HDAC9: variants seen among roughly 807,000 people sequenced by gnomAD.
The protein encoded by HDAC9 is histone deacetylase 9.
HDAC9 carries 41 observed loss-of-function variants against 139.4 expected under a neutral mutation model. The ratio of observed to expected loss-of-function variants is 0.29; its 90% CI spans 0.23 to 0.38. HDAC9 has a LOEUF of 0.38. Ranked by LOEUF, HDAC9 falls within the 10% of genes least tolerant of loss-of-function variation. The pLI is 1.00. For missense variants in HDAC9, 1,147 were observed against 1,297.0 expected, an observed-to-expected ratio of 0.88 and a Z score of 1.78; for synonymous variants, 517 against 476.2, an observed-to-expected ratio of 1.09 and a Z score of -1.12.
chr7:18,985,253 TG>T lies in HDAC9; in HGVS notation c.3170+9301del, dbSNP rs201725933. On this transcript the variant is annotated intron_variant, in intron 25 of 25. Transcript: ENST00000686413. ...CCCCACAACAGACCCCAGAGTGCGA[TG>T]TTCCCCTTCCTGTGTCCATGTGTTC... Among the ~76,000 whole-genome samples, 851 of 151,898 alleles carry T rather than the reference TG, an allele frequency of 5.6e-3. 6 individuals carry two copies. The highest frequency in any genetic ancestry group is 0.02 in the African/African-American group (815 of 41,438).
intron 2 of HDAC9, among the ~76,000 whole-genome samples, chr7:18,264,618 G>T (rs1349348841): frequency 1.3e-5 from 2 of 152,154 alleles, no homozygotes; most frequent in East Asian, 1.9e-4. Flanking sequence ...ATGTAAGAGG[G>T]ACATTAAAAG....
At chr7:18,109,668 C>A (rs1312011537) in intron 1 of HDAC9, among the ~76,000 whole-genome samples, 1 of 151,908 alleles carries the variant, frequency 6.6e-6, no homozygotes, top group African/African-American at 2.4e-5. Flanking sequence ...TCTTTTCTCC[C>A]CTTAATGTAA....
In HDAC9 at chr7:18,448,549, G is replaced by T. The variant is rs34498099; in HGVS notation, c.-41-47713G>T. ...TATTAAATTGCATAGGGAAGAGAGG[G>T]TAACGTAACTATTTTATGGTAAATT... On this transcript the variant is annotated intron_variant, in intron 1 of 3. Transcript: ENST00000413509. 1.0e-2 allele frequency among the ~76,000 whole-genome samples: 1,515 copies of T among 152,144 alleles called. 12 individuals carry two copies. Among genetic ancestry groups the T allele is most frequent in the Non-Finnish European group, 0.017 (1,183 of 67,988 alleles).
chr7:18,856,317 T>G (rs186595312), intron 21 of HDAC9, among the ~76,000 whole-genome samples: 85 of 152,222 alleles, frequency 5.6e-4, no homozygotes, highest in African/African-American at 2.0e-3. Context: ...GAGTAACTGA[T>G]TAGATTTTTT....
chr7:18,529,891 G>A (rs1234770886), intron 2 of HDAC9, among the ~76,000 whole-genome samples: 1 of 151,996 alleles, frequency 6.6e-6, no homozygotes, highest in Non-Finnish European at 1.5e-5. Flanking sequence ...ATTTTGCTCT[G>A]CTTGTCCCAT....
intron 2 of HDAC9, among the ~76,000 whole-genome samples, chr7:18,513,969 A>G (rs1407138441): frequency 6.6e-6 from 1 of 152,164 alleles, no homozygotes; most frequent in African/African-American, 2.4e-5. Context: ...GTTATTGCTT[A>G]TTTTGAAGCT....
intron 24 of HDAC9, among the ~76,000 whole-genome samples, chr7:18,973,416 A>G (rs993409054): frequency 2.6e-5 from 4 of 152,228 alleles, no homozygotes; most frequent in Non-Finnish European, 4.4e-5. Flanking sequence ...TCATTACAAT[A>G]TATGTACTTA....
At chr7:18,105,898 A>G (rs1783167297) in intron 1 of HDAC9, among the ~76,000 whole-genome samples, 1 of 152,214 alleles carries the variant, frequency 6.6e-6, no homozygotes, top group Non-Finnish European at 1.5e-5. Context: ...TAGGTAATCA[A>G]AAAGGAATGA....
chr7:18,491,972 C>G (rs1164986981), upstream of HDAC9, among the ~76,000 whole-genome samples: 1 of 151,952 alleles, frequency 6.6e-6, no homozygotes, highest in Non-Finnish European at 1.5e-5. Context: ...ATTGAATCCA[C>G]AGGTCCACCC....
intron 1 of HDAC9, among the ~76,000 whole-genome samples, chr7:18,371,653 C>A (rs915345994): frequency 6.6e-6 from 1 of 152,152 alleles, no homozygotes; most frequent in African/African-American, 2.4e-5. Flanking sequence ...TTAGTTTCTG[C>A]ATTCTGTCAC....
chr7:18,707,233 G>A (rs528904691), intron 12 of HDAC9, among the ~76,000 whole-genome samples: 2 of 152,346 alleles, frequency 1.3e-5, no homozygotes, highest in Non-Finnish European at 2.9e-5. Flanking sequence ...CCTCAGAGAA[G>A]CTGAGTGAGA....
Position 18,835,478 on chromosome 7 carries a change from T to C in HDAC9, c.2478T>C (p.His826=). Residue 826 remains histidine (H), a synonymous_variant, in exon 20 of 26, where the codon CAT becomes CAC. Transcript: ENST00000686413. ...TCATTTCCCTGTAGGATGTTCACCA[T>C]GGAAACGGTACCCAGCAGGCCTTTT... ...KILIVDLDVH[H]GNGTQQAFYA... is the part of the protein sequence containing the mutation. 1 of 1,613,348 alleles carries C rather than the reference T, an allele frequency of 6.2e-7. No homozygotes were observed. The highest frequency in any genetic ancestry group is 8.5e-7 in the Non-Finnish European group (1 of 1,179,452).
At chr7:18,609,512 A>T (rs1284009628) in intron 6 of HDAC9, among the ~76,000 whole-genome samples, 1 of 152,164 alleles carries the variant, frequency 6.6e-6, no homozygotes, top group African/African-American at 2.4e-5. Context: ...AGTCACAGCA[A>T]ACTCTTCCCT....
At chr7:18,977,623 A>G (rs1314502963) in intron 25 of HDAC9, among the ~76,000 whole-genome samples, 1 of 152,132 alleles carries the variant, frequency 6.6e-6, no homozygotes, top group African/African-American at 2.4e-5. Flanking sequence ...TTCAGTCCAC[A>G]GTGATTTTTA....
At chr7:18,757,697 C>A (rs1444743165) in intron 14 of HDAC9, among the ~76,000 whole-genome samples, 2 of 152,034 alleles carry the variant, frequency 1.3e-5, no homozygotes, top group African/African-American at 4.8e-5. Context: ...TTTTTCCCTG[C>A]TCCTTGGCAG....
intron 2 of HDAC9, among the ~76,000 whole-genome samples, chr7:18,537,562 C>T (rs1159575792): frequency 1.3e-5 from 2 of 151,436 alleles, no homozygotes; most frequent in Admixed American, 1.3e-4. Context: ...ACAACAGAAT[C>T]AATGCCAGGA....
At chr7:18,883,283 C>T (rs906871262) in intron 22 of HDAC9, among the ~76,000 whole-genome samples, 11 of 151,780 alleles carry the variant, frequency 7.2e-5, no homozygotes, top group South Asian at 2.1e-4. Context: ...CAGAAAAAAA[C>T]GTCTCAACAA....
chr7:18,369,516 G>T (rs1784435289), intron 1 of HDAC9, among the ~76,000 whole-genome samples: 1 of 145,294 alleles, frequency 6.9e-6, no homozygotes, highest in African/African-American at 2.6e-5. Context: ...TTAAATATTT[G>T]TAAATTAATG....
At chr7:18,124,021 A>T (rs796645267) in intron 1 of HDAC9, among the ~76,000 whole-genome samples, 7 of 152,318 alleles carry the variant, frequency 4.6e-5, no homozygotes, top group African/African-American at 1.7e-4. Flanking sequence ...CCCCACCTCC[A>T]GCAGGTTTCC....
Sources: allele counts gnomAD v4.1 joint callset (sites outside exome capture counted in the v4.1 genomes callset), GRCh38; gene constraint gnomAD v4.1.1; transcripts MANE v1.5; gene names NCBI Gene and HGNC (gene_info 2026-07-23, HGNC 2026-07-21).